UGGT2: variants seen among roughly 807,000 people sequenced by gnomAD.
UGGT2 encodes UDP-glucose glycoprotein glucosyltransferase 2, also known as UDP-glucose:glycoprotein glucosyltransferase 2.
In UGGT2, 180 loss-of-function variants were observed where a neutral mutation model predicts 192.1. The observed-to-expected ratio is 0.94, with a 90% confidence interval of 0.83 to 1.06. The LOEUF (loss-of-function observed/expected upper bound fraction) is 1.06. Ranked by LOEUF, UGGT2 falls within the 50% of genes least tolerant of loss-of-function variation. The probability of loss-of-function intolerance (pLI) is 0.00; values close to 1 mark genes in which losing one functional copy is unlikely to be tolerated. For missense variants in UGGT2, 1,849 were observed against 1,795.7 expected (o/e 1.03, Z -0.54); for synonymous variants, 580 against 591.0 (o/e 0.98, Z 0.27).
intron 12 of UGGT2, among the ~76,000 whole-genome samples, chr13:95,954,362 G>C (rs1422985883): frequency 2.0e-5 from 3 of 152,140 alleles, no homozygotes; most frequent in Non-Finnish European, 4.4e-5. Flanking sequence ...GCCATGATGG[G>C]AAGGGGGAGT....
rs1212380790 is a variant in UGGT2 at position 95,996,107 on chromosome 13, C to T, written c.786G>A (p.Glu262=). Residue 262 remains glutamate, a synonymous_variant, in exon 7 of 39, where the codon GAG becomes GAA. Transcript: ENST00000376747. ...KTVTNTTVED[E]TETNEVQGFL... is the part of the protein sequence containing the mutation. The stretch of plus-strand genomic sequence containing the variant: ...ATCCTTGAACTTCATTTGTTTCAGT[C>T]TCATCCTCTACAGTAGTATTAGTCA... 5.0e-6 allele frequency: 8 copies of T among 1,613,532 alleles called. No homozygotes were observed. The highest frequency in any genetic ancestry group is 6.8e-6 in the Non-Finnish European group (8 of 1,179,846).
intron 12 of UGGT2, among the ~76,000 whole-genome samples, chr13:95,954,115 C>T (rs565093342): frequency 1.6e-4 from 24 of 152,252 alleles, no homozygotes; most frequent in African/African-American, 5.5e-4. Context: ...GGCTCAAGTA[C>T]ACAAACTTAG....
chr13:95,939,480 T>TTTTTTTTTTTTTTTTTGTTTTTGTG (rs2049587850), intron 16 of UGGT2, among the ~76,000 whole-genome samples: 1 of 150,018 alleles, frequency 6.7e-6, no homozygotes, highest in Admixed American at 6.6e-5. Context: ...TGTTGCCTTT[T>TTTTTTTTTTTTTTTTTGTTTTTGTG]TTTTTTTTTT....
At chr13:95,863,022 C>T (rs1462922012) in intron 31 of UGGT2, among the ~76,000 whole-genome samples, 1 of 152,038 alleles carries the variant, frequency 6.6e-6, no homozygotes, top group African/African-American at 2.4e-5. Context: ...GCCATCACAA[C>T]AGGCTAATTT....
intron 32 of UGGT2, 99 bp from the exon 33 acceptor site, chr13:95,859,774 T>G: frequency 1.1e-6 from 1 of 885,180 alleles, no homozygotes; most frequent in Non-Finnish European, 1.6e-6. Flanking sequence ...AATTTTAATT[T>G]CTTAAATTTT....
chr13:96,026,354 A>G (rs554342174), intron 2 of UGGT2, among the ~76,000 whole-genome samples: 33 of 152,262 alleles, frequency 2.2e-4, no homozygotes, highest in African/African-American at 7.0e-4. Context: ...ATTGCAGCAT[A>G]AAGTCTGATT....
intron 12 of UGGT2, among the ~76,000 whole-genome samples, chr13:95,960,711 C>G (rs2050362780): frequency 6.6e-6 from 1 of 152,228 alleles, no homozygotes; most frequent in East Asian, 1.9e-4. Flanking sequence ...CAAATAGATA[C>G]AATTCCAAAA....
chr13:96,000,705 T>G (rs1307231610), intron 5 of UGGT2, among the ~76,000 whole-genome samples: 1 of 152,172 alleles, frequency 6.6e-6, no homozygotes, highest in African/African-American at 2.4e-5. Context: ...CAATTTCCAT[T>G]ATCAGTTCTG....
chr13:95,895,088 G>C, intron 23 of UGGT2, 92 bp downstream of exon 23: 1 of 1,282,978 alleles, frequency 7.8e-7, no homozygotes, highest in Non-Finnish European at 1.1e-6. Context: ...ACCTTTACTT[G>C]TCTATATATT....
chr13:95,913,490 G>A (rs1240917891), intron 20 of UGGT2, among the ~76,000 whole-genome samples: 1 of 152,024 alleles, frequency 6.6e-6, no homozygotes, highest in Non-Finnish European at 1.5e-5. Context: ...ATGGAAAAAT[G>A]CTCATCACTG....
Position 96,042,490 on chromosome 13 carries a change from C to T in UGGT2, c.159-10519G>A, listed in dbSNP as rs535390312. ...ACCCCCCAAAAAAATCACACTCGCT[C>T]ACCAGCAATAGATCCAAACTAAGAT... On this transcript the variant is annotated intron_variant, in intron 1 of 38. Transcript: ENST00000376747. Among the ~76,000 whole-genome samples the T allele has an allele frequency of 9.7e-4, 147 of 152,148 alleles. 1 individual carries two copies. Among genetic ancestry groups the T allele is most frequent in the African/African-American group, 2.6e-3 (106 of 41,526 alleles).
At chr13:95,962,367 C>T (rs770339705) in intron 12 of UGGT2, among the ~76,000 whole-genome samples, 1 of 151,934 alleles carries the variant, frequency 6.6e-6, no homozygotes, top group Non-Finnish European at 1.5e-5. Flanking sequence ...AATGAAGAAG[C>T]ACACTGATAT....
At chr13:96,044,952 C>T (rs1456784437) in intron 1 of UGGT2, among the ~76,000 whole-genome samples, 3 of 152,038 alleles carry the variant, frequency 2.0e-5, no homozygotes, top group Non-Finnish European at 4.4e-5. Flanking sequence ...TGACACTATT[C>T]CACGAGACAG....
chr13:96,038,414 C>T (rs971215756), intron 1 of UGGT2, among the ~76,000 whole-genome samples: 1 of 152,064 alleles, frequency 6.6e-6, no homozygotes, highest in African/African-American at 2.4e-5. Flanking sequence ...AAGTATCAGG[C>T]AAGATAGAGT....
chr13:95,959,550 A>G (rs2050322432), intron 12 of UGGT2, among the ~76,000 whole-genome samples: 1 of 151,992 alleles, frequency 6.6e-6, no homozygotes. Flanking sequence ...ACCCAGCACA[A>G]TCCATTACCA....
chr13:95,908,599 C>T (rs1379829357), intron 20 of UGGT2, among the ~76,000 whole-genome samples: 3 of 151,606 alleles, frequency 2.0e-5, no homozygotes, highest in Non-Finnish European at 4.4e-5. Flanking sequence ...CACATCCTCT[C>T]CAGCACCTGT....
chr13:96,023,522 C>G lies in UGGT2; in HGVS notation c.372+107G>C, dbSNP rs1038545382. 10 of 1,218,762 alleles carry G rather than the reference C, an allele frequency of 8.2e-6. No homozygotes were observed. In the East Asian group the frequency reaches 2.6e-4, roughly 32 times the overall value. 75.5% of individuals were successfully genotyped at this position (1,218,762 alleles called of 1,614,324 possible). A position where few individuals can be genotyped will look rare whatever the true frequency, so the allele number is the denominator to read the frequency against. On this transcript the variant is annotated intron_variant, in intron 3 of 38. Transcript: ENST00000376747. Reference sequence around the variant, plus strand: ...AATCAATGATAGGCTATGGAACCAACTATAAACTTGTAGATCATTTTGAAC... The same window carrying G: ...AATCAATGATAGGCTATGGAACCAAGTATAAACTTGTAGATCATTTTGAAC...
At chr13:95,804,809 C>G (rs1263042482) in intron 38 of UGGT2, among the ~76,000 whole-genome samples, 1 of 152,012 alleles carries the variant, frequency 6.6e-6, no homozygotes, top group Non-Finnish European at 1.5e-5. Flanking sequence ...GATTAAAAAC[C>G]TAAATATAAG....
At chr13:95,901,148 TAC>T (rs1173478328) in intron 21 of UGGT2, among the ~76,000 whole-genome samples, 2 of 152,108 alleles carry the variant, frequency 1.3e-5, no homozygotes, top group Non-Finnish European at 2.9e-5. Flanking sequence ...TACAAGTTGA[TAC>T]AGTTTGCTAT....
Sources: gnomAD v4.1 joint callset for allele counts (sites outside exome capture counted in the v4.1 genomes callset) on GRCh38, gnomAD v4.1.1 for gene constraint, MANE v1.5 for transcripts, NCBI Gene and HGNC (gene_info 2026-07-23, HGNC 2026-07-21) for gene names.